KCNH5: variants seen among roughly 807,000 people sequenced by gnomAD.
KCNH5 encodes potassium voltage-gated channel subfamily H member 5.
KCNH5 carries 46 observed loss-of-function variants against 96.1 expected under a neutral mutation model. That is an observed-to-expected ratio of 0.48 (90% CI 0.38 to 0.61). The LOEUF is 0.61. Among genes scored for constraint, KCNH5 ranks in the 20% least tolerant of loss-of-function variants. The pLI is 0.00. For missense variants in KCNH5, 907 were observed against 1,225.8 expected, an observed-to-expected ratio of 0.74 and a Z score of 3.88; for synonymous variants, 439 against 449.8, an observed-to-expected ratio of 0.98 and a Z score of 0.30.
intron 10 of KCNH5, among the ~76,000 whole-genome samples, chr14:62,739,573 T>C (rs1885228811): frequency 6.6e-6 from 1 of 152,154 alleles, no homozygotes; most frequent in African/African-American, 2.4e-5. Context: ...CTGGAGAATA[T>C]CTAAGTTGTC....
At chr14:62,817,136 A>T (rs1237912844) in intron 8 of KCNH5, among the ~76,000 whole-genome samples, 1 of 139,006 alleles carries the variant, frequency 7.2e-6, no homozygotes, top group Non-Finnish European at 1.5e-5. Context: ...TATAATATAT[A>T]ATATATATAT....
At chr14:62,818,695 T>C (rs1887050576) in intron 8 of KCNH5, among the ~76,000 whole-genome samples, 1 of 151,978 alleles carries the variant, frequency 6.6e-6, no homozygotes. Context: ...TGTAGATATG[T>C]TATTAAAAAG....
chr14:62,951,938 G>C (rs1721112514), intron 6 of KCNH5, among the ~76,000 whole-genome samples: 3 of 147,472 alleles, frequency 2.0e-5, no homozygotes, highest in Admixed American at 6.8e-5. Context: ...ACCCCAGCCT[G>C]GGTAACAGAG....
chr14:62,815,780 A>C (rs867558653), intron 8 of KCNH5, among the ~76,000 whole-genome samples: 2 of 152,004 alleles, frequency 1.3e-5, no homozygotes, highest in African/African-American at 4.8e-5. Flanking sequence ...GTGATTTTGA[A>C]AGTTGATGTT....
chr14:62,712,513 C>T (rs566015734), intron 10 of KCNH5: 2 of 637,442 alleles, frequency 3.1e-6, no homozygotes, highest in African/African-American at 3.6e-5. Flanking sequence ...GGTCACACAA[C>T]TGTGTGTCCA....
At chr14:62,903,806 G>C (rs1357633152) in intron 7 of KCNH5, among the ~76,000 whole-genome samples, 1 of 151,906 alleles carries the variant, frequency 6.6e-6, no homozygotes, top group Non-Finnish European at 1.5e-5. Context: ...TCCATTTGTG[G>C]GGCTATCAAA....
chr14:62,705,552 G>A lies in KCNH5; in HGVS notation c.*1956C>T, dbSNP rs1459057716. The A allele has an allele frequency of 6.6e-6, 1 of 151,896 alleles. No individual in the cohort carries two copies. The allele number at this position is 151,896 out of a possible 1,614,324, so 9.4% of individuals were successfully genotyped here. On this transcript the variant is annotated 3_prime_UTR_variant, in exon 11 of 11. Coordinates refer to ENST00000322893, the MANE Select transcript of KCNH5 (RefSeq NM_139318.5). ...AGATATTGTAGCATTACATGGAGAC[G>A]TGTTCCCCTGAAAACTTCCATTATG... is the stretch of plus-strand genomic sequence containing the variant.
intron 10 of KCNH5, among the ~76,000 whole-genome samples, chr14:62,740,536 C>T (rs1325846924): frequency 6.6e-6 from 1 of 152,138 alleles, no homozygotes; most frequent in Admixed American, 6.5e-5. Context: ...GAAAAACTTC[C>T]TGAGCCATGA....
rs77453002 is a variant in KCNH5 at position 62,873,757 on chromosome 14, G to A, written c.1370-23905C>T. On this transcript the variant is annotated intron_variant, in intron 7 of 10. Coordinates refer to ENST00000322893, the MANE Select transcript of KCNH5 (RefSeq NM_139318.5). ...GCAATGAAAGGAACAAAGTGGTCTA[G>A]AAATAACAAGAAATGATAACAGCCC... Among the ~76,000 whole-genome samples the A allele has an allele frequency of 3.1e-3, 474 of 152,206 alleles. 2 individuals are homozygous for A. Among genetic ancestry groups the A allele is most frequent in the African/African-American group, 0.011 (463 of 41,530 alleles).
Position 62,779,942 on chromosome 14 carries a change from A to T in KCNH5, c.1823-18T>A. On this transcript the variant is annotated intron_variant, in intron 9 of 10. Transcript: ENST00000322893. ...ACCCTTCCCTAGAAAACAGTATAAG[A>T]TACATATTCAAGTATCTAACACTGT... 11 of 1,593,168 alleles carry T rather than the reference A, an allele frequency of 6.9e-6. No homozygotes were observed. Among genetic ancestry groups the T allele is most frequent in the Non-Finnish European group, 9.4e-6 (11 of 1,166,826 alleles).
At chr14:63,015,931 A>G (rs1030922289) in intron 2 of KCNH5, among the ~76,000 whole-genome samples, 1 of 151,496 alleles carries the variant, frequency 6.6e-6, no homozygotes, top group African/African-American at 2.4e-5. Flanking sequence ...ATATATACAT[A>G]TATATATGTA....
intron 4 of KCNH5, among the ~76,000 whole-genome samples, chr14:62,989,555 A>T (rs1215032463): frequency 2.0e-5 from 3 of 151,970 alleles, no homozygotes; most frequent in Non-Finnish European, 4.4e-5. Flanking sequence ...AGACTCAGTA[A>T]AAGCATTACC....
At chr14:62,718,871 C>T (rs116872935) in intron 10 of KCNH5, among the ~76,000 whole-genome samples, 52 of 152,074 alleles carry the variant, frequency 3.4e-4, no homozygotes, top group Middle Eastern at 3.4e-3. Flanking sequence ...ACTATTCAGC[C>T]GCAAAAAGAA....
intron 10 of KCNH5, among the ~76,000 whole-genome samples, chr14:62,711,568 C>A (rs1884568820): frequency 6.6e-6 from 1 of 152,162 alleles, no homozygotes; most frequent in Admixed American, 6.5e-5. Flanking sequence ...TTATGACCAA[C>A]AAGACTGGTC....
intron 8 of KCNH5, among the ~76,000 whole-genome samples, chr14:62,838,181 T>C (rs896048998): frequency 6.6e-6 from 1 of 152,166 alleles, no homozygotes; most frequent in Non-Finnish European, 1.5e-5. Context: ...ATCAAGCATA[T>C]ATATTCTGAG....
At chr14:62,879,849 C>T (rs1888457363) in intron 7 of KCNH5, among the ~76,000 whole-genome samples, 2 of 152,018 alleles carry the variant, frequency 1.3e-5, no homozygotes, top group Admixed American at 1.3e-4. Flanking sequence ...TTATGATTTG[C>T]TCATTATACA....
chr14:62,849,866 A>AAAGGT lies in KCNH5; in HGVS notation c.1370-15_1370-14insACCTT. 1 of 1,585,688 alleles carries AAAGGT rather than the reference A, an allele frequency of 6.3e-7. No homozygotes were observed. Among genetic ancestry groups the AAAGGT allele is most frequent in the Non-Finnish European group, 8.7e-7 (1 of 1,155,544 alleles). On this transcript the variant is annotated splice_polypyrimidine_tract_variant and intron_variant, in intron 7 of 10. Coordinates refer to ENST00000322893, the MANE Select transcript of KCNH5 (RefSeq NM_139318.5). ...CATAAAGAAGAGCTGAAAGAGAAGA[A>AAAGGT]ATGATAAAAATAAAACAAATATCTC...
intron 8 of KCNH5, among the ~76,000 whole-genome samples, chr14:62,835,132 A>C (rs1011564488): frequency 3.3e-5 from 5 of 152,062 alleles, no homozygotes; most frequent in Admixed American, 1.3e-4. Context: ...TTCAGCTTCC[A>C]AAAGACTCGA....
chr14:62,968,837 T>C (rs1890352411), intron 6 of KCNH5, among the ~76,000 whole-genome samples: 1 of 152,152 alleles, frequency 6.6e-6, no homozygotes, highest in Non-Finnish European at 1.5e-5. Flanking sequence ...GCATAATACC[T>C]AACCATTAGC....
Sources: allele counts gnomAD v4.1 joint callset (sites outside exome capture counted in the v4.1 genomes callset), GRCh38; gene constraint gnomAD v4.1.1; transcripts MANE v1.5; gene names NCBI Gene and HGNC (gene_info 2026-07-23, HGNC 2026-07-21).